The following ERG variants were observed in gnomAD, a reference collection of about 807,000 sequenced individuals.
The protein encoded by ERG is ETS transcription factor ERG.
ERG carries 9 observed loss-of-function variants against 55.3 expected under a neutral mutation model. That is an observed-to-expected ratio of 0.16 (90% CI 0.10 to 0.28). The LOEUF is 0.28. Among genes scored for constraint, ERG ranks in the 10% least tolerant of loss-of-function variants. The pLI, the probability that ERG is intolerant of heterozygous loss-of-function variation, is 1.00. For missense variants in ERG, 434 were observed against 631.6 expected (o/e 0.69, Z 3.35); for synonymous variants, 223 against 237.3 (o/e 0.94, Z 0.55).
At chr21:38,633,690 T>G (rs145242124) in intron 1 of ERG, among the ~76,000 whole-genome samples, 1 of 152,340 alleles carries the variant, frequency 6.6e-6, no homozygotes, top group East Asian at 1.9e-4. Context: ...TACACATCTA[T>G]TTTTTAATTA....
At chr21:38,595,000 A>T (rs2146900782) in intron 1 of ERG, among the ~76,000 whole-genome samples, 1 of 152,282 alleles carries the variant, frequency 6.6e-6, no homozygotes, top group South Asian at 2.1e-4. Flanking sequence ...AAATCAGACA[A>T]GTCTCTCAGG....
At chr21:38,519,278 T>C (rs1413604752) in intron 2 of ERG, among the ~76,000 whole-genome samples, 1 of 152,050 alleles carries the variant, frequency 6.6e-6, no homozygotes, top group Non-Finnish European at 1.5e-5. Flanking sequence ...TTTACAACGG[T>C]AAAGGTAGAA....
chr21:38,613,590 C>T (rs1180179065), intron 1 of ERG, among the ~76,000 whole-genome samples: 2 of 152,214 alleles, frequency 1.3e-5, no homozygotes, highest in Non-Finnish European at 2.9e-5. Context: ...GACTGGTGCT[C>T]GCCGCTCACT....
intron 1 of ERG, among the ~76,000 whole-genome samples, chr21:38,624,017 T>C (rs1252956338): frequency 2.0e-5 from 3 of 152,192 alleles, no homozygotes; most frequent in Non-Finnish European, 2.9e-5. Flanking sequence ...CCATTTGGAA[T>C]AGTGAAATTA....
the ERG span, among the ~76,000 whole-genome samples, chr21:38,372,170 G>T: frequency 1.3e-5 from 2 of 151,946 alleles, no homozygotes; most frequent in African/African-American, 4.8e-5. Context: ...AAAGTCTTTA[G>T]CAACCATAGA....
chr21:38,597,471 C>CCACACA (rs1568939720), intron 1 of ERG, among the ~76,000 whole-genome samples: 38 of 32,658 alleles, frequency 1.2e-3, no homozygotes, highest in African/African-American at 3.2e-3. Context: ...CTATATATAT[C>CCACACA]TACACACACA....
At chr21:38,397,227 G>A (rs894269113) in intron 6 of ERG, among the ~76,000 whole-genome samples, 5 of 152,140 alleles carry the variant, frequency 3.3e-5, no homozygotes, top group African/African-American at 1.2e-4. Context: ...GCAGCAGCGA[G>A]ACTGACCTGA....
intron 1 of ERG, among the ~76,000 whole-genome samples, chr21:38,467,992 C>G (rs2146613126): frequency 6.6e-6 from 1 of 152,344 alleles, no homozygotes; most frequent in African/African-American, 2.4e-5. Flanking sequence ...CTTTCTCCCT[C>G]CAGCTTCCTG....
chr21:38,460,643 G>A lies in ERG; in HGVS notation c.19-15022C>T, dbSNP rs550338377. 1.2e-4 allele frequency among the ~76,000 whole-genome samples: 19 copies of A among 152,240 alleles called. No individual in the cohort carries two copies. Among genetic ancestry groups the A allele is most frequent in the Non-Finnish European group, 2.4e-4 (16 of 68,026 alleles). On this transcript the variant is annotated intron_variant, in intron 1 of 9. Coordinates refer to ENST00000288319, the MANE Select transcript of ERG (RefSeq NM_182918.4). This position sits in a 1 kb window ranked among gnomAD's most constrained non-coding sequence, Gnocchi z 5.0. Reference sequence around the variant, plus strand: ...GCAAGGGGTCACGGCCATTTTGAAAGGCTTTGACTCACACAGGAAATACCT... The same window carrying A: ...GCAAGGGGTCACGGCCATTTTGAAAAGCTTTGACTCACACAGGAAATACCT...
intron 2 of ERG, among the ~76,000 whole-genome samples, chr21:38,562,414 T>G (rs1203757496): frequency 6.6e-6 from 1 of 152,156 alleles, no homozygotes; most frequent in Non-Finnish European, 1.5e-5. Flanking sequence ...CCAGCCTGGC[T>G]TTAAAGAGGC....
At chr21:38,525,291 A>G (rs1279474281) in intron 2 of ERG, among the ~76,000 whole-genome samples, 2 of 151,308 alleles carry the variant, frequency 1.3e-5, no homozygotes, top group African/African-American at 4.9e-5. Flanking sequence ...TTTGGCATTC[A>G]CCCTCTCTCG....
chr21:38,523,626 T>C (rs1191699880), intron 2 of ERG, among the ~76,000 whole-genome samples: 2 of 152,210 alleles, frequency 1.3e-5, no homozygotes. Context: ...CACTCATTAT[T>C]GTAATTCTCC....
intron 1 of ERG, among the ~76,000 whole-genome samples, chr21:38,452,183 T>C (rs993159165): frequency 3.2e-4 from 49 of 152,192 alleles, no homozygotes; most frequent in African/African-American, 1.2e-3. Flanking sequence ...ATTTCACCAC[T>C]CACAACACTA....
At chr21:38,649,743 C>G (rs143736384) in intron 1 of ERG, among the ~76,000 whole-genome samples, 7 of 152,246 alleles carry the variant, frequency 4.6e-5, no homozygotes, top group African/African-American at 1.2e-4. Flanking sequence ...ACCTAGTGGC[C>G]CACGTTCCTT....
intron 1 of ERG, among the ~76,000 whole-genome samples, chr21:38,598,357 C>T (rs1013840752): frequency 2.0e-5 from 3 of 152,166 alleles, no homozygotes; most frequent in African/African-American, 7.2e-5. Flanking sequence ...GGCATGGAAG[C>T]GCAGGCAGCA....
chr21:38,508,603 A>G (rs1205458649), intron 2 of ERG, among the ~76,000 whole-genome samples: 1 of 152,206 alleles, frequency 6.6e-6, no homozygotes, highest in Non-Finnish European at 1.5e-5. Context: ...CAGCCAAACT[A>G]TTTAGGCAAC....
At chr21:38,615,854 A>T (rs1390296627) in intron 1 of ERG, among the ~76,000 whole-genome samples, 1 of 151,994 alleles carries the variant, frequency 6.6e-6, no homozygotes, top group Non-Finnish European at 1.5e-5. Context: ...CAGAGTTGAG[A>T]AGAGATGCAT....
At chr21:38,568,036 G>T (rs2059933883) in intron 2 of ERG, among the ~76,000 whole-genome samples, 1 of 152,112 alleles carries the variant, frequency 6.6e-6, no homozygotes, top group East Asian at 1.9e-4. Flanking sequence ...ATGTGGGAAA[G>T]AAGTGCTTCA....
At chr21:38,468,998 AAAAG>A (rs1306372214) in intron 1 of ERG, among the ~76,000 whole-genome samples, 736 of 69,212 alleles carry the variant, frequency 0.011, 27 homozygotes, top group Non-Finnish European at 0.025. Flanking sequence ...AAAAAAAAAA[AAAAG>A]AAAAAAAAAA....
Sources: allele counts gnomAD v4.1 joint callset (sites outside exome capture counted in the v4.1 genomes callset), GRCh38; gene constraint gnomAD v4.1.1; non-coding constraint Gnocchi (gnomAD v3.1); transcripts MANE v1.5; gene names NCBI Gene and HGNC (gene_info 2026-07-23, HGNC 2026-07-21).